The following ROBO2 variants were observed in gnomAD, a reference collection of about 807,000 sequenced individuals.
ROBO2 encodes roundabout homolog 2.
In ROBO2, 53 loss-of-function variants were observed where a neutral mutation model predicts 160.8. The observed-to-expected ratio is 0.33, with a 90% CI of 0.26 to 0.41. The LOEUF is 0.41. Ranked by LOEUF, ROBO2 falls within the 10% of genes least tolerant of loss-of-function variation. The pLI is 1.00. For synonymous variants in ROBO2, 664 were observed against 611.7 expected (o/e 1.09, Z -1.26); for missense variants, 1,577 against 1,722.4 (o/e 0.92, Z 1.49).
At chr3:76,021,235 A>G (rs1045696621) in intron 2 of ROBO2, among the ~76,000 whole-genome samples, 2 of 151,794 alleles carry the variant, frequency 1.3e-5, no homozygotes, top group Admixed American at 6.6e-5. Flanking sequence ...GCACTCGGAA[A>G]AAATATGATC....
chr3:77,572,742 G>A (rs1477531146), intron 13 of ROBO2, among the ~76,000 whole-genome samples: 1 of 151,372 alleles, frequency 6.6e-6, no homozygotes, highest in Non-Finnish European at 1.5e-5. Flanking sequence ...TTTTATTGAG[G>A]CTCTGCATTT....
chr3:76,798,297 AAAG>A (rs1305234649), intron 2 of ROBO2, among the ~76,000 whole-genome samples: 109 of 151,358 alleles, frequency 7.2e-4, no homozygotes, highest in Middle Eastern at 6.8e-3. Context: ...AGAAAGAAAG[AAAG>A]AAAGAAAGAA....
chr3:77,114,069 T>A (rs2150206021), intron 2 of ROBO2, among the ~76,000 whole-genome samples: 1 of 152,278 alleles, frequency 6.6e-6, no homozygotes, highest in East Asian at 1.9e-4. Context: ...TAGAGAAAGA[T>A]AATTCTGGGA....
intron 2 of ROBO2, among the ~76,000 whole-genome samples, chr3:76,363,142 C>T (rs990170219): frequency 1.9e-4 from 29 of 151,840 alleles, no homozygotes; most frequent in South Asian, 4.1e-4. Context: ...AGGTAGCACT[C>T]GATAAAATTT....
At chr3:77,291,798 C>A (rs1477751346) in intron 2 of ROBO2, among the ~76,000 whole-genome samples, 2 of 149,344 alleles carry the variant, frequency 1.3e-5, no homozygotes, top group East Asian at 4.0e-4. Context: ...GAAGTTGAGG[C>A]TAGAACAGTA....
chr3:77,303,804 T>TATACATATATATATGC (rs1463172638), intron 2 of ROBO2, among the ~76,000 whole-genome samples: 1 of 152,028 alleles, frequency 6.6e-6, no homozygotes, highest in Admixed American at 6.6e-5. Context: ...TATACATATA[T>TATACATATATATATGC]ATACATATAT....
chr3:76,921,138 T>C (rs558372108), intron 2 of ROBO2, among the ~76,000 whole-genome samples: 1 of 152,276 alleles, frequency 6.6e-6, no homozygotes, highest in African/African-American at 2.4e-5. Flanking sequence ...GGCTGCAAAT[T>C]GATCCATAAT....
chr3:75,980,996 A>G (rs562097420), intron 2 of ROBO2, among the ~76,000 whole-genome samples: 24 of 151,766 alleles, frequency 1.6e-4, no homozygotes, highest in Non-Finnish European at 2.7e-4. Flanking sequence ...ATTTTGTGCA[A>G]TAGAAACAAG....
At chr3:75,973,230 A>T (rs2065044932) in intron 2 of ROBO2, among the ~76,000 whole-genome samples, 2 of 151,680 alleles carry the variant, frequency 1.3e-5, no homozygotes, top group Non-Finnish European at 3.0e-5. Flanking sequence ...CTACAAATCT[A>T]TTCTGTAACA....
At chr3:77,624,829 C>T (rs1454929682) in intron 23 of ROBO2, among the ~76,000 whole-genome samples, 3 of 152,106 alleles carry the variant, frequency 2.0e-5, no homozygotes, top group Non-Finnish European at 4.4e-5. Flanking sequence ...TTACAGGAGG[C>T]AGCATGGGTT....
chr3:77,363,456 CT>C (rs1484979606), intron 2 of ROBO2, among the ~76,000 whole-genome samples: 4 of 152,116 alleles, frequency 2.6e-5, no homozygotes, highest in Non-Finnish European at 5.9e-5. Context: ...CATACGATCT[CT>C]GTTGCAAGTT....
chr3:77,468,111 C>T (rs577172689), intron 2 of ROBO2, among the ~76,000 whole-genome samples: 17 of 152,196 alleles, frequency 1.1e-4, no homozygotes, highest in Middle Eastern at 3.4e-3. Context: ...ATTCTGTGGG[C>T]GATAGCTCTT....
chr3:75,961,647 A>G (rs1378459184), intron 2 of ROBO2, among the ~76,000 whole-genome samples: 1 of 151,628 alleles, frequency 6.6e-6, no homozygotes, highest in Non-Finnish European at 1.5e-5. Context: ...CAGATAAGAA[A>G]CATTTTGCAC....
intron 2 of ROBO2, among the ~76,000 whole-genome samples, chr3:76,011,760 C>T (rs1302246791): frequency 1.3e-5 from 2 of 152,162 alleles, no homozygotes; most frequent in African/African-American, 4.8e-5. Context: ...ACATTATGCT[C>T]CTCAATGGAA....
At chr3:75,932,401 A>G (rs912600257) in intron 1 of ROBO2, among the ~76,000 whole-genome samples, 1 of 152,148 alleles carries the variant, frequency 6.6e-6, no homozygotes, top group African/African-American at 2.4e-5. Flanking sequence ...AAATCTGTTT[A>G]TCTATAATTT....
chr3:76,749,903 T>C (rs9810516), intron 2 of ROBO2, among the ~76,000 whole-genome samples: 2,748 of 152,130 alleles, frequency 0.018, 69 homozygotes, highest in African/African-American at 0.058. Context: ...TCTGCAACTA[T>C]TCCAATCGAC....
At chr3:77,377,121 G>C (rs1331865921) in intron 2 of ROBO2, among the ~76,000 whole-genome samples, 2 of 151,922 alleles carry the variant, frequency 1.3e-5, no homozygotes, top group Non-Finnish European at 2.9e-5. Context: ...CTTTATTTTA[G>C]AAATTTATAT....
At chr3:76,530,380 T>C (rs1011131479) in intron 2 of ROBO2, among the ~76,000 whole-genome samples, 4 of 152,164 alleles carry the variant, frequency 2.6e-5, no homozygotes, top group African/African-American at 9.7e-5. Flanking sequence ...ACTGACTCTA[T>C]TACCAGGCAG....
intron 2 of ROBO2, among the ~76,000 whole-genome samples, chr3:77,209,770 A>G (rs566708744): frequency 1.3e-5 from 2 of 152,282 alleles, no homozygotes; most frequent in South Asian, 4.1e-4. Flanking sequence ...TGGTCCAAGG[A>G]TGAATGTCAG....
Sources: allele counts gnomAD v4.1 joint callset (sites outside exome capture counted in the v4.1 genomes callset), GRCh38; gene constraint gnomAD v4.1.1; transcripts MANE v1.5; gene names NCBI Gene and HGNC (gene_info 2026-07-23, HGNC 2026-07-21).